Variants in CCDC124 observed in about 807,000 individuals in gnomAD.
CCDC124 encodes the protein coiled-coil domain containing 124.
Under a neutral mutation model 19.8 loss-of-function variants are expected in CCDC124, and 9 were observed. That is an observed-to-expected ratio of 0.45 (90% CI 0.27 to 0.79). The LOEUF (loss-of-function observed/expected upper bound fraction) is 0.79. CCDC124 is among the 30% of genes least tolerant of loss of function. The probability of loss-of-function intolerance (pLI) is 0.14; values close to 1 mark genes in which losing one functional copy is unlikely to be tolerated. For synonymous variants in CCDC124, 126 were observed against 131.3 expected (o/e 0.96, Z 0.27); for missense variants, 285 against 319.0 (o/e 0.89, Z 0.81).
In CCDC124 at chr19:17,938,807, A is replaced by G. The variant is rs865789725; in HGVS notation, c.159+2228A>G. ...GGGGGTCATCTCACTGTGTTGCCCA[A>G]GTTGGTCTCAAACTCCTGGGCTCAA... On this transcript the variant is annotated intron_variant, in intron 2 of 4. Coordinates refer to ENST00000445755, the MANE Select transcript of CCDC124 (RefSeq NM_001136203.2). 2.8e-4 allele frequency among the ~76,000 whole-genome samples: 43 copies of G among 151,994 alleles called. 1 individual carries two copies. The highest frequency in any genetic ancestry group is 2.3e-3 in the South Asian group (11 of 4,798).
At chr19:17,935,475 C>T (rs528145884) in intron 1 of CCDC124, among the ~76,000 whole-genome samples, 2 of 151,668 alleles carry the variant, frequency 1.3e-5, no homozygotes, top group Non-Finnish European at 2.9e-5. Context: ...GGCTGGAGTG[C>T]AGTGGTGTGA....
intron 1 of CCDC124, among the ~76,000 whole-genome samples, chr19:17,933,989 G>T (rs1391494159): frequency 6.6e-6 from 1 of 152,190 alleles, no homozygotes; most frequent in Non-Finnish European, 1.5e-5. Context: ...TGTATTTCCA[G>T]CTTGGGCTGT....
chr19:17,938,465 T>C (rs1362146927), intron 2 of CCDC124, among the ~76,000 whole-genome samples: 2 of 152,180 alleles, frequency 1.3e-5, no homozygotes, highest in East Asian at 1.9e-4. Flanking sequence ...CCACAGCTCC[T>C]GGTTTCCACA....
rs1026643129 is a variant in CCDC124 at position 17,943,241 on chromosome 19, T to C, written c.350-20T>C. On this transcript the variant is annotated intron_variant, in intron 3 of 4. Transcript: ENST00000445755. The stretch of plus-strand genomic sequence containing the variant: ...CTTTGCTTATCTCTCTCTGTCTCTG[T>C]CACCCACCCACCCGCCCAGCCGAGA... 3.0e-5 allele frequency: 22 copies of C among 737,004 alleles called. No homozygotes were observed. In the African/African-American group the frequency reaches 3.1e-4, roughly 11 times the overall value. The allele number at this position is 737,004 out of a possible 1,614,324, so 45.7% of individuals were successfully genotyped here.
At chr19:17,936,653 G>A (rs1273499090) in intron 2 of CCDC124, 74 bp downstream of exon 2, 2 of 1,514,908 alleles carry the variant, frequency 1.3e-6, no homozygotes, top group East Asian at 2.4e-5. Context: ...CAATGTGGGT[G>A]AATAGCGAGA....
chr19:17,942,754 G>A lies in CCDC124; in HGVS notation c.258G>A (p.Ala86=). The A allele has an allele frequency of 6.5e-7, 1 of 1,548,678 alleles. No individual in the cohort carries two copies. The highest frequency in any genetic ancestry group is 8.7e-7 in the Non-Finnish European group (1 of 1,146,694). ...EEDSKLKGGK[A]PRVATSSKVT... ...ACTCCAAGCTCAAGGGCGGCAAGGC[G>A]CCGCGGGTGGCCACGTCCAGCAAGG... The change falls in exon 3 of 5, where the codon GCG becomes GCA. Residue 86 remains alanine (A), a synonymous_variant. Transcript: ENST00000445755. The surrounding 1 kb of genome is among the most constrained non-coding windows in gnomAD (Gnocchi z 4.2).
rs143499500 is a variant in CCDC124 at position 17,943,898 on chromosome 19, C to T, written c.*183C>T. ...CAGAGGGTCCCTGCCCCGAGTGACA[C>T]CCCATCCCCTCCCATCCCCCGGCGC... On this transcript the variant is annotated 3_prime_UTR_variant, in exon 5 of 5. Transcript: ENST00000445755. 603 of 620,092 alleles carry T rather than the reference C, an allele frequency of 9.7e-4. No individual in the cohort carries two copies. Among genetic ancestry groups the T allele is most frequent in the Admixed American group, 2.7e-3 (94 of 34,280 alleles). The allele number at this position is 620,092 out of a possible 1,614,324, so 38.4% of individuals were successfully genotyped here.
In CCDC124 at chr19:17,943,830, G is replaced by A. The variant is rs1180437746; in HGVS notation, c.*115G>A. 1.9e-5 allele frequency: 20 copies of A among 1,037,852 alleles called. No individual in the cohort carries two copies. The highest frequency in any genetic ancestry group is 5.0e-4 in the Middle Eastern group (2 of 3,986). 64.3% of individuals were successfully genotyped at this position (1,037,852 alleles called of 1,614,324 possible). A position where few individuals can be genotyped will look rare whatever the true frequency, so the allele number is the denominator to read the frequency against. On this transcript the variant is annotated 3_prime_UTR_variant, in exon 5 of 5. Coordinates refer to ENST00000445755, the MANE Select transcript of CCDC124 (RefSeq NM_001136203.2). ...AGCGTTCCGGGGGCCAAGGCGCCGG[G>A]CCCCGGGGCCATGCTCTTATCACCA...
At chr19:17,935,779 C>T (rs2031047395) in intron 1 of CCDC124, among the ~76,000 whole-genome samples, 1 of 152,154 alleles carries the variant, frequency 6.6e-6, no homozygotes, top group Admixed American at 6.5e-5. Flanking sequence ...CACGGGGTTT[C>T]ACCATGTTGA....
chr19:17,934,297 A>C (rs2031010910), intron 1 of CCDC124, among the ~76,000 whole-genome samples: 1 of 151,828 alleles, frequency 6.6e-6, no homozygotes, highest in South Asian at 2.1e-4. Flanking sequence ...GAAACAGGAG[A>C]ATTGCTTGAA....
Position 17,939,746 on chromosome 19 carries a change from C to T in CCDC124, c.160-2910C>T, listed in dbSNP as rs557397520. Among the ~76,000 whole-genome samples, 473 of 152,100 alleles carry T rather than the reference C, an allele frequency of 3.1e-3. 2 individuals are homozygous for T. Among genetic ancestry groups the T allele is most frequent in the Admixed American group, 4.7e-3 (72 of 15,274 alleles). The stretch of plus-strand genomic sequence containing the variant: ...CAAACAACTCTCCTGCCTCAGCCTC[C>T]CGAGTAGCTGGGATTACAGGTGTGC... On this transcript the variant is annotated intron_variant, in intron 2 of 4. Transcript: ENST00000445755.
At chr19:17,938,351 A>C (rs2147779548) in intron 2 of CCDC124, among the ~76,000 whole-genome samples, 1 of 152,280 alleles carries the variant, frequency 6.6e-6, no homozygotes, top group East Asian at 1.9e-4. Flanking sequence ...AGATGAATCA[A>C]AAAGCCCAGG....
At chr19:17,933,708 A>T (rs992819566) in intron 1 of CCDC124, among the ~76,000 whole-genome samples, 4 of 151,394 alleles carry the variant, frequency 2.6e-5, no homozygotes, top group African/African-American at 9.7e-5. Flanking sequence ...GCTCTCCCCC[A>T]CTCATTCAGA....
Position 17,943,346 on chromosome 19 carries a change from C to A in CCDC124, c.435C>A (p.Arg145=), listed in dbSNP as rs925956474. The change falls in exon 4 of 5, where the codon CGC becomes CGA. Residue 145 remains arginine (R), a synonymous_variant. Transcript: ENST00000445755. ...TGGAGGAGGGCAGCGTGGAGGCGCG[C>A]ACCATCGAGGACGCCATTGCAGTGC... ...RVLEEGSVEA[R]TIEDAIAVLS... is the part of the protein sequence containing the mutation. 1 of 1,528,250 alleles carries A rather than the reference C, an allele frequency of 6.5e-7. No individual in the cohort carries two copies. Among genetic ancestry groups the A allele is most frequent in the East Asian group, 2.6e-5 (1 of 39,024 alleles). 94.7% of individuals were successfully genotyped at this position (1,528,250 alleles called of 1,614,324 possible).
rs1439921971 is a variant in CCDC124 at position 17,942,537 on chromosome 19, C to T, written c.160-119C>T. The stretch of plus-strand genomic sequence containing the variant: ...GGACCTATCTTGTTCCTGGTATGTC[C>T]CCTGCACCCAGCACAGAGCCTAAAT... On this transcript the variant is annotated intron_variant, in intron 2 of 4. Transcript: ENST00000445755. The surrounding 1 kb of genome is among the most constrained non-coding windows in gnomAD (Gnocchi z 4.2). The T allele has an allele frequency of 3.4e-6, 4 of 1,168,078 alleles. No individual in the cohort carries two copies. Among genetic ancestry groups the T allele is most frequent in the Non-Finnish European group, 4.8e-6 (4 of 826,428 alleles). The allele number at this position is 1,168,078 out of a possible 1,614,324, so 72.4% of individuals were successfully genotyped here.
At chr19:17,941,714 G>C (rs1441057955) in intron 2 of CCDC124, among the ~76,000 whole-genome samples, 1 of 152,150 alleles carries the variant, frequency 6.6e-6, no homozygotes, top group Non-Finnish European at 1.5e-5. Flanking sequence ...GTGGGGGTCA[G>C]GCCCTGGCAG....
In CCDC124 at chr19:17,943,782, C is replaced by T; in HGVS notation, c.*67C>T. ...GTCACGACTCTGCACGCCCTTAGGC[C>T]AGGTCAGCTGCGAGGGTCACAGAGC... is the stretch of plus-strand genomic sequence containing the variant. On this transcript the variant is annotated 3_prime_UTR_variant, in exon 5 of 5. Coordinates refer to ENST00000445755, the MANE Select transcript of CCDC124 (RefSeq NM_001136203.2). 1 of 1,500,282 alleles carries T rather than the reference C, an allele frequency of 6.7e-7. No individual in the cohort carries two copies. Among genetic ancestry groups the T allele is most frequent in the African/African-American group, 1.4e-5 (1 of 72,570 alleles). The allele number at this position is 1,500,282 out of a possible 1,614,324, so 92.9% of individuals were successfully genotyped here. A position where few individuals can be genotyped will look rare whatever the true frequency, so the allele number is the denominator to read the frequency against.
chr19:17,941,569 C>T (rs184652219), intron 2 of CCDC124, among the ~76,000 whole-genome samples: 9 of 151,640 alleles, frequency 5.9e-5, no homozygotes, highest in African/African-American at 1.2e-4. Flanking sequence ...ACGCATCGGT[C>T]GGGGAGCCTC....
At position 17,943,552 on chromosome 19, in the gene CCDC124, G is replaced by C; in HGVS notation, c.509G>C (p.Arg170Pro). The C allele has an allele frequency of 1.2e-6, 2 of 1,612,632 alleles. No individual in the cohort carries two copies. Among genetic ancestry groups the C allele is most frequent in the Non-Finnish European group, 1.7e-6 (2 of 1,179,930 alleles). ...AADRHPERRM[R>P]AAFTAFEEAQ... ...GACCGGCACCCAGAAAGACGCATGC[G>C]GGCAGCCTTCACAGCCTTTGAGGAA... Residue 170 changes from arginine (R) to proline (P), a missense_variant, in exon 5 of 5, where the codon CGG becomes CCG. Coordinates refer to ENST00000445755, the MANE Select transcript of CCDC124 (RefSeq NM_001136203.2).
Sources: allele counts gnomAD v4.1 joint callset (sites outside exome capture counted in the v4.1 genomes callset), GRCh38; gene constraint gnomAD v4.1.1; non-coding constraint Gnocchi (gnomAD v3.1); transcripts MANE v1.5; gene names NCBI Gene and HGNC (gene_info 2026-07-23, HGNC 2026-07-21).